Variants in ZNFX1 observed in about 807,000 individuals in gnomAD.
ZNFX1 encodes NFX1-type zinc finger-containing protein 1.
Under a neutral mutation model 179.8 loss-of-function variants are expected in ZNFX1, and 78 were observed. The observed-to-expected ratio is 0.43, with a 90% confidence interval of 0.36 to 0.52. The LOEUF (loss-of-function observed/expected upper bound fraction) is 0.52, where lower values mean the gene tolerates loss of function less well. ZNFX1 is among the 20% of genes least tolerant of loss of function. ZNFX1 has a pLI of 0.00. For synonymous variants in ZNFX1, 848 were observed against 868.5 expected (o/e 0.98, Z 0.42); for missense variants, 1,927 against 2,386.6 (o/e 0.81, Z 4.01).
rs139644193 is a variant in ZNFX1, at chr20:49,249,611, A to C, written c.3413T>G (p.Val1138Gly). 1.2e-4 allele frequency: 191 copies of C among 1,614,232 alleles called. No individual in the cohort carries two copies. The African/African-American group carries it at 2.3e-3, about 20-fold the overall frequency. The change falls in exon 14 of 14, where the codon GTA becomes GGA. Residue 1138 changes from valine (V) to glycine (G), a missense_variant. Transcript: ENST00000396105. ...GCACAGGAAGTACTTGCACAGCTCT[A>C]CCACAAAGTGAGCCTCATGCTGGTT... is the stretch of plus-strand genomic sequence containing the variant. ...HQNQHEAHFV[V>G]ELCKYFLCQE...
At chr20:49,277,449 G>A (rs1174021786) in intron 1 of ZNFX1, among the ~76,000 whole-genome samples, 2 of 150,796 alleles carry the variant, frequency 1.3e-5, no homozygotes, top group African/African-American at 4.9e-5. Flanking sequence ...GGGGTGCCGA[G>A]GTGCTCTGTA....
At position 49,271,009 on chromosome 20, in the gene ZNFX1, A is replaced by G. The variant is rs1981376819; in HGVS notation, c.803T>C (p.Met268Thr). 1 of 1,614,180 alleles carries G rather than the reference A, an allele frequency of 6.2e-7. No individual in the cohort carries two copies. Among genetic ancestry groups the G allele is most frequent in the Non-Finnish European group, 8.5e-7 (1 of 1,180,022 alleles). The change falls in exon 3 of 14, where the codon ATG (methionine) becomes ACG (threonine). Residue 268 changes from methionine (M) to threonine (T), a missense_variant. Physicochemically the swap from Met to Thr is moderately conservative, Grantham distance 81. Coordinates refer to ENST00000396105, the MANE Select transcript of ZNFX1 (RefSeq NM_021035.3). ...AGAGGTTGGCAGGAGGGAAACCAGCATGGAAGTTTCCTGCACAGAGCTGGC... is the reference window on the plus strand; with the variant it reads ...AGAGGTTGGCAGGAGGGAAACCAGCGTGGAAGTTTCCTGCACAGAGCTGGC... Reference protein sequence around the residue: ...FPASSVQETSMLVSLLPTSLN... With the variant: ...FPASSVQETSTLVSLLPTSLN...
At chr20:49,250,682 G>A (rs1980813430) in intron 13 of ZNFX1, among the ~76,000 whole-genome samples, 1 of 152,084 alleles carries the variant, frequency 6.6e-6, no homozygotes, top group African/African-American at 2.4e-5. Flanking sequence ...CTCCCAAGTA[G>A]CTGGGATTAC....
chr20:49,261,167 G>A (rs771095407), intron 6 of ZNFX1, among the ~76,000 whole-genome samples: 6 of 152,130 alleles, frequency 3.9e-5, no homozygotes, highest in Non-Finnish European at 7.4e-5. Flanking sequence ...CCAGGAGGCC[G>A]AGGCTGCAGT....
intron 13 of ZNFX1, 108 bp from the exon 14 acceptor site, chr20:49,249,819 TG>T (rs967214101): frequency 4.0e-5 from 51 of 1,276,046 alleles, no homozygotes; most frequent in Non-Finnish European, 5.1e-5. Context: ...AGAGAGACCT[TG>T]GAAAGCTTTT....
Position 49,247,409 on chromosome 20 carries a change from C to G in ZNFX1, c.5615G>C (p.Cys1872Ser). The G allele has an allele frequency of 6.2e-7, 1 of 1,614,196 alleles. No individual in the cohort carries two copies. The highest frequency in any genetic ancestry group is 8.5e-7 in the Non-Finnish European group (1 of 1,180,038). Residue 1872 changes from cysteine to serine, a missense_variant, in exon 14 of 14, where the codon TGT becomes TCT. Transcript: ENST00000396105. ...ATTTGTGCCACCAATCACTTCCTTA[C>G]AGTCAGGACACGTGCCCCTCTCCAT... ...GAMERGTCPD[C>S]KEVIGGTNHT...
In ZNFX1 at chr20:49,246,582, G is replaced by A; in HGVS notation, c.*685C>T. On this transcript the variant is annotated 3_prime_UTR_variant, in exon 14 of 14. Transcript: ENST00000396105. ...TCTGCAAATTAGGGCCTGGCAATTA[G>A]AATCGGTCTGCATCAATGAGCTCAT... The A allele has an allele frequency of 4.4e-6, 1 of 228,828 alleles. No homozygotes were observed. The highest frequency in any genetic ancestry group is 8.8e-6 in the Non-Finnish European group (1 of 113,096). The allele number at this position is 228,828 out of a possible 1,614,324, so 14.2% of individuals were successfully genotyped here. A position where few individuals can be genotyped will look rare whatever the true frequency, so the allele number is the denominator to read the frequency against.
chr20:49,270,658 C>T lies in ZNFX1; in HGVS notation c.1154G>A (p.Arg385Gln), dbSNP rs758718951. Reference protein sequence around the residue: ...LLREDFVRPLREGILELLQSF... With the variant: ...LLREDFVRPLQEGILELLQSF... Reference sequence around the variant, plus strand: ...TTGGAGAAGTTCCAAAATACCTTCCCGTAAAGGTCTGACGAAATCTTCTCG... The same window carrying T: ...TTGGAGAAGTTCCAAAATACCTTCCTGTAAAGGTCTGACGAAATCTTCTCG... The change falls in exon 3 of 14, where the codon CGG (arginine) becomes CAG (glutamine). Residue 385 changes from arginine to glutamine, a missense_variant. Transcript: ENST00000396105. This position sits in a 1 kb window ranked among gnomAD's most constrained non-coding sequence, Gnocchi z 4.6. 1 of 1,614,066 alleles carries T rather than the reference C, an allele frequency of 6.2e-7. No individual in the cohort carries two copies. Among genetic ancestry groups the T allele is most frequent in the Non-Finnish European group, 8.5e-7 (1 of 1,180,012 alleles).
In ZNFX1 at chr20:49,249,100, A is replaced by T; in HGVS notation, c.3924T>A (p.Pro1308=). The change falls in exon 14 of 14, where the codon CCT becomes CCA. Residue 1308 remains proline, a synonymous_variant. Transcript: ENST00000396105. ...GGAACTCCTTGTGTGAAGAGTCATA[A>T]GGGTGGCAGGCACGGGTGCAGACAT... ...CGHVCTRACH[P]YDSSHKEFQC... The T allele has an allele frequency of 6.2e-7, 1 of 1,614,238 alleles. No individual in the cohort carries two copies. Among genetic ancestry groups the T allele is most frequent in the Non-Finnish European group, 8.5e-7 (1 of 1,180,050 alleles).
chr20:49,262,283 G>A (rs527658171), intron 6 of ZNFX1, among the ~76,000 whole-genome samples: 74 of 151,854 alleles, frequency 4.9e-4, no homozygotes, highest in African/African-American at 1.7e-3. Context: ...GCAGGTGCCT[G>A]TAATCCTAGC....
rs1447791181 is a variant in ZNFX1 at position 49,247,375 on chromosome 20, C to T, written c.5649G>A (p.Leu1883=). Residue 1883 remains leucine (L), a synonymous_variant, in exon 14 of 14, where the codon CTG becomes CTA. Coordinates refer to ENST00000396105, the MANE Select transcript of ZNFX1 (RefSeq NM_021035.3). ...CAGAAGCAAGCTGGTTGCTTCTTTC[C>T]AGAGTATGATTTGTGCCACCAATCA... ...KEVIGGTNHT[L]ERSNQLASEM... 3 of 1,614,202 alleles carry T rather than the reference C, an allele frequency of 1.9e-6. No individual in the cohort carries two copies. Among genetic ancestry groups the T allele is most frequent in the East Asian group, 4.5e-5 (2 of 44,886 alleles).
intron 7 of ZNFX1, among the ~76,000 whole-genome samples, chr20:49,259,120 AAATAAAT>A (rs746375915): frequency 5.3e-4 from 47 of 89,518 alleles, no homozygotes; most frequent in African/African-American, 1.1e-3. Flanking sequence ...AAAAAAAAAT[AAATAAAT>A]AAATAAATAA....
intron 3 of ZNFX1, among the ~76,000 whole-genome samples, chr20:49,267,088 G>T (rs1321210661): frequency 6.6e-6 from 1 of 151,938 alleles, no homozygotes; most frequent in Non-Finnish European, 1.5e-5. Context: ...GTATAGATGG[G>T]GTTTCACCAT....
At chr20:49,256,021 A>G (rs2273149) in intron 8 of ZNFX1, 74 bp from the exon 9 acceptor site, 31,238 of 1,548,304 alleles carry the variant, frequency 0.02, 688 homozygotes, top group East Asian at 0.088. Context: ...GGCAGGGGTC[A>G]CAGCACGTAA....
At chr20:49,276,921 A>G (rs1019507563) in intron 1 of ZNFX1, among the ~76,000 whole-genome samples, 5 of 152,044 alleles carry the variant, frequency 3.3e-5, no homozygotes, top group Non-Finnish European at 7.4e-5. Flanking sequence ...TTTATTTTCA[A>G]TTCTCCGAGG....
chr20:49,247,182 T>TA lies in ZNFX1; in HGVS notation c.*84dup. On this transcript the variant is annotated 3_prime_UTR_variant, in exon 14 of 14. Coordinates refer to ENST00000396105, the MANE Select transcript of ZNFX1 (RefSeq NM_021035.3). ...GCGCCCAGCCTAAAAAGGATGATAA[T>TA]AAAAAACAAACTTCAGTTCCTTCAT... is the stretch of plus-strand genomic sequence containing the variant. 2 of 1,515,250 alleles carry TA rather than the reference T, an allele frequency of 1.3e-6. No homozygotes were observed. The highest frequency in any genetic ancestry group is 4.5e-5 in the East Asian group (2 of 44,154). 93.9% of individuals were successfully genotyped at this position (1,515,250 alleles called of 1,614,324 possible). A position where few individuals can be genotyped will look rare whatever the true frequency, so the allele number is the denominator to read the frequency against.
chr20:49,260,595 A>G lies in ZNFX1; in HGVS notation c.2302-18T>C, dbSNP rs1361569457. ...TCACTATCCTAAGGAAAGAAGAATG[A>G]TCATTTGTGAGGATTCTATGACAAC... On this transcript the variant is annotated intron_variant, in intron 6 of 13. Transcript: ENST00000396105. The G allele has an allele frequency of 1.3e-6, 2 of 1,544,902 alleles. No individual in the cohort carries two copies. The highest frequency in any genetic ancestry group is 1.8e-6 in the Non-Finnish European group (2 of 1,129,490).
rs1199360961 is a variant in ZNFX1 at position 49,260,555 on chromosome 20, T to C, written c.2324A>G (p.Gln775Arg). 20 of 1,610,774 alleles carry C rather than the reference T, an allele frequency of 1.2e-5. No individual in the cohort carries two copies. The Admixed American group carries it at 3.4e-4, about 27-fold the overall frequency. ...CAGCATCATGGAATGCTTCCAGTGC[T>C]GGAAGCAAATCCATTCACTATCCTA... ...PVQDSEWICF[Q>R]HWKHSMMLEW... The change falls in exon 7 of 14, where the codon CAG (glutamine) becomes CGG (arginine). Residue 775 changes from glutamine (Q) to arginine (R), a missense_variant. Gln to Arg is a conservative substitution (Grantham distance 43). Transcript: ENST00000396105.
rs1447066368 is a variant in ZNFX1, at chr20:49,246,066, C to T, written c.*1201G>A. 1.3e-5 allele frequency: 2 copies of T among 152,418 alleles called. No homozygotes were observed. The highest frequency in any genetic ancestry group is 1.9e-4 in the East Asian group (1 of 5,204). The allele number at this position is 152,418 out of a possible 1,614,324, so 9.4% of individuals were successfully genotyped here. Reference sequence around the variant, plus strand: ...GGGAATGCAGATGCAGGCAGCAGGCCTGGGTCTGGCTTCTGGCCTGGGTTT... The same window carrying T: ...GGGAATGCAGATGCAGGCAGCAGGCTTGGGTCTGGCTTCTGGCCTGGGTTT... On this transcript the variant is annotated 3_prime_UTR_variant, in exon 14 of 14. Transcript: ENST00000396105.
Sources: gnomAD v4.1 joint callset for allele counts (sites outside exome capture counted in the v4.1 genomes callset) on GRCh38, gnomAD v4.1.1 for gene constraint, Gnocchi (gnomAD v3.1) non-coding constraint, MANE v1.5 for transcripts, NCBI Gene and HGNC (gene_info 2026-07-23, HGNC 2026-07-21) for gene names.